Variants in PCDHGB3 observed in about 807,000 individuals in gnomAD.
PCDHGB3 encodes the protein protocadherin gamma-B3.
Under a neutral mutation model 59.2 loss-of-function variants are expected in PCDHGB3, and 40 were observed. The observed-to-expected ratio is 0.68, with a 90% CI of 0.52 to 0.88. The LOEUF (loss-of-function observed/expected upper bound fraction) is 0.88, where lower values mean the gene tolerates loss of function less well. Ranked by LOEUF, PCDHGB3 falls within the 40% of genes least tolerant of loss-of-function variation. The probability of loss-of-function intolerance (pLI) is 0.00; values close to 1 mark genes in which losing one functional copy is unlikely to be tolerated. For missense variants in PCDHGB3, 1,309 were observed against 1,187.9 expected (o/e 1.10, Z -1.50); for synonymous variants, 581 against 503.6 (o/e 1.15, Z -2.06).
intron 1 of PCDHGB3, chr5:141,420,902 A>T (rs1202945278): frequency 3.4e-6 from 1 of 293,976 alleles, no homozygotes; most frequent in Non-Finnish European, 6.3e-6. Context: ...TAAGCTCTAC[A>T]AATACGTGTG....
intron 1 of PCDHGB3, chr5:141,433,087 A>G (rs769187557): frequency 6.2e-7 from 1 of 1,614,206 alleles, no homozygotes. Context: ...CCAACTATGC[A>G]GACATGCTCG....
intron 1 of PCDHGB3, chr5:141,478,582 G>T: frequency 1.3e-6 from 2 of 1,579,988 alleles, no homozygotes; most frequent in Non-Finnish European, 1.7e-6. Context: ...CCCTGTTAGT[G>T]CTTTTTTATT....
chr5:141,387,388 T>C (rs1323763140), intron 1 of PCDHGB3, among the ~76,000 whole-genome samples: 3 of 152,196 alleles, frequency 2.0e-5, no homozygotes, highest in Non-Finnish European at 2.9e-5. Flanking sequence ...ATATAGATAG[T>C]GCATGTTTGA....
chr5:141,495,122 C>T (rs1365586518), intron 2 of PCDHGB3, among the ~76,000 whole-genome samples: 2 of 152,282 alleles, frequency 1.3e-5, no homozygotes, highest in East Asian at 3.9e-4. Flanking sequence ...TTCCTATCCC[C>T]TGAGGGCACT....
chr5:141,437,782 A>C (rs1410096491), intron 1 of PCDHGB3, among the ~76,000 whole-genome samples: 1 of 151,512 alleles, frequency 6.6e-6, no homozygotes, highest in African/African-American at 2.4e-5. Context: ...TCTGTCGCCA[A>C]GCTGGAGTGC....
At chr5:141,467,018 CTTTGT>C (rs1209768587) in intron 1 of PCDHGB3, among the ~76,000 whole-genome samples, 4 of 149,992 alleles carry the variant, frequency 2.7e-5, no homozygotes, top group African/African-American at 7.3e-5. Context: ...ATTTTTTTCC[CTTTGT>C]TTTTGTTTTT....
intron 1 of PCDHGB3, among the ~76,000 whole-genome samples, chr5:141,387,064 G>A (rs2090802887): frequency 6.6e-6 from 1 of 152,174 alleles, no homozygotes; most frequent in Admixed American, 6.5e-5. Context: ...ATGAGGAGAG[G>A]AGTAGGCTAC....
chr5:141,382,890 C>A, intron 1 of PCDHGB3: 2 of 1,532,810 alleles, frequency 1.3e-6, no homozygotes, highest in Non-Finnish European at 1.8e-6. Flanking sequence ...GCAAGAGAAG[C>A]AGGACGACTA....
In PCDHGB3 at chr5:141,431,616, A is replaced by G. The variant is rs776151297; in HGVS notation, c.2415+58807A>G. 1 of 1,614,250 alleles carries G rather than the reference A, an allele frequency of 6.2e-7. No individual in the cohort carries two copies. Among genetic ancestry groups the G allele is most frequent in the Non-Finnish European group, 8.5e-7 (1 of 1,180,042 alleles). ...AGGTATTCCTTCCGGTATGTGGACG[A>G]CAAGGCGGCCCAAGTTTTCAAACTA... On this transcript the variant is annotated intron_variant, in intron 1 of 3. Transcript: ENST00000576222. This position sits in a 1 kb window ranked among gnomAD's most constrained non-coding sequence, Gnocchi z 4.8.
chr5:141,402,949 A>C, intron 1 of PCDHGB3: 2 of 1,594,986 alleles, frequency 1.3e-6, no homozygotes, highest in South Asian at 1.1e-5. Flanking sequence ...AAAGCGAGGC[A>C]GCAATGGCAG....
At chr5:141,377,657 C>T (rs946526132) in intron 1 of PCDHGB3, 5 of 151,160 alleles carry the variant, frequency 3.3e-5, no homozygotes, top group East Asian at 1.9e-4. Flanking sequence ...TAACTATAAA[C>T]GACAGACGTT....
At chr5:141,445,490 C>A (rs1181158971) in intron 1 of PCDHGB3, among the ~76,000 whole-genome samples, 1 of 152,134 alleles carries the variant, frequency 6.6e-6, no homozygotes, top group African/African-American at 2.4e-5. Flanking sequence ...AGTTAATGGG[C>A]CCTATTCTAA....
At chr5:141,442,708 A>C (rs2098338740) in intron 1 of PCDHGB3, among the ~76,000 whole-genome samples, 2 of 152,254 alleles carry the variant, frequency 1.3e-5, no homozygotes, top group Non-Finnish European at 2.9e-5. Context: ...AGTATCAGAC[A>C]TGCCAGAGCA....
intron 1 of PCDHGB3, among the ~76,000 whole-genome samples, chr5:141,466,080 C>A (rs1186062704): frequency 6.6e-6 from 1 of 152,108 alleles, no homozygotes; most frequent in East Asian, 1.9e-4. Flanking sequence ...TGATATCATG[C>A]CACTGCACTC....
chr5:141,373,370 G>T (rs1448314999), intron 1 of PCDHGB3, among the ~76,000 whole-genome samples: 1 of 152,164 alleles, frequency 6.6e-6, no homozygotes, highest in African/African-American at 2.4e-5. Context: ...TAATGAATTG[G>T]TTCAAAATGT....
chr5:141,394,700 G>A (rs775789970), intron 1 of PCDHGB3: 1 of 1,613,138 alleles, frequency 6.2e-7, no homozygotes, highest in Non-Finnish European at 8.5e-7. Flanking sequence ...TGCGCACGGC[G>A]CGAGCCCTGC....
chr5:141,438,319 T>C (rs934592523), intron 1 of PCDHGB3, among the ~76,000 whole-genome samples: 1 of 151,982 alleles, frequency 6.6e-6, no homozygotes, highest in African/African-American at 2.4e-5. Flanking sequence ...CACCATAATT[T>C]TTCTTATACA....
intron 1 of PCDHGB3, chr5:141,408,704 A>G: frequency 1.2e-6 from 2 of 1,613,236 alleles, no homozygotes; most frequent in Non-Finnish European, 1.7e-6. Context: ...AAACTCAATT[A>G]AAGATTATAA....
At chr5:141,387,637 G>A (rs1397986235) in intron 1 of PCDHGB3, 14 of 603,144 alleles carry the variant, frequency 2.3e-5, no homozygotes, top group Non-Finnish European at 3.7e-5. Context: ...GGGCGCCGCT[G>A]TTGGCCAAAG....
Sources: allele counts gnomAD v4.1 joint callset (sites outside exome capture counted in the v4.1 genomes callset), GRCh38; gene constraint gnomAD v4.1.1; non-coding constraint Gnocchi (gnomAD v3.1); transcripts MANE v1.5; gene names NCBI Gene and HGNC (gene_info 2026-07-23, HGNC 2026-07-21).